Variants in GTF2I observed in about 807,000 individuals in gnomAD.
GTF2I encodes general transcription factor II-I.
Under a neutral mutation model 67.6 loss-of-function variants are expected in GTF2I, and 12 were observed. That is an observed-to-expected ratio of 0.18 (90% CI 0.11 to 0.29). The LOEUF is 0.29. GTF2I is among the 10% of genes least tolerant of loss of function. The pLI is 1.00. For synonymous variants in GTF2I, 149 were observed against 197.0 expected (o/e 0.76, Z 2.04); for missense variants, 271 against 580.1 (o/e 0.47, Z 5.47).
intron 9 of GTF2I, among the ~76,000 whole-genome samples, chr7:74,712,350 C>T (rs782402785): frequency 6.6e-6 from 1 of 152,156 alleles, no homozygotes; most frequent in Non-Finnish European, 1.5e-5. Flanking sequence ...CAACGTGTAA[C>T]TATTTCATTG....
intron 2 of GTF2I, among the ~76,000 whole-genome samples, chr7:74,690,092 G>A (rs1207190480): frequency 6.6e-6 from 1 of 152,100 alleles, no homozygotes; most frequent in Non-Finnish European, 1.5e-5. Flanking sequence ...GCGTGTGCCT[G>A]TAGTCCCAGT....
At position 74,705,932 on chromosome 7, in the gene GTF2I, T is replaced by G. The variant is rs116711456; in HGVS notation, c.642-458T>G. On this transcript the variant is annotated intron_variant, in intron 7 of 34. Coordinates refer to ENST00000573035, the MANE Select transcript of GTF2I (RefSeq NM_032999.4). ...TTTTCCCCAAAAGATAGATAGAAAT[T>G]GAAGTACTAAGTTCAGTTGATAACT... 3.4e-3 allele frequency among the ~76,000 whole-genome samples: 519 copies of G among 151,900 alleles called. 1 individual carries two copies. The highest frequency in any genetic ancestry group is 0.012 in the African/African-American group (488 of 41,418).
At chr7:74,730,596 C>A (rs1448719418) in intron 14 of GTF2I, among the ~76,000 whole-genome samples, 1 of 145,546 alleles carries the variant, frequency 6.9e-6, no homozygotes, top group African/African-American at 2.5e-5. Flanking sequence ...ATATTTATTA[C>A]AAAGCTCTGG....
At chr7:74,702,599 G>T (rs1789958515) in intron 6 of GTF2I, among the ~76,000 whole-genome samples, 1 of 152,144 alleles carries the variant, frequency 6.6e-6, no homozygotes, top group Non-Finnish European at 1.5e-5. Context: ...CAGGATAGGA[G>T]GGTTACCCCC....
At chr7:74,675,015 G>C (rs1327708136) in intron 1 of GTF2I, among the ~76,000 whole-genome samples, 3 of 151,184 alleles carry the variant, frequency 2.0e-5, no homozygotes, top group Admixed American at 6.6e-5. Context: ...ACCACACCCA[G>C]CCAATTTTTG....
At chr7:74,693,233 T>A (rs1788517308) in intron 3 of GTF2I, among the ~76,000 whole-genome samples, 1 of 151,818 alleles carries the variant, frequency 6.6e-6, no homozygotes, top group East Asian at 1.9e-4. Flanking sequence ...TATTTGAGAC[T>A]TTTTCATGAT....
At chr7:74,697,402 A>G (rs1485105909) in intron 3 of GTF2I, among the ~76,000 whole-genome samples, 1 of 152,130 alleles carries the variant, frequency 6.6e-6, no homozygotes, top group East Asian at 1.9e-4. Context: ...TCCAGAAAAA[A>G]AAAATTATTA....
chr7:74,686,896 T>G (rs988902136), intron 1 of GTF2I, among the ~76,000 whole-genome samples: 3 of 138,322 alleles, frequency 2.2e-5, no homozygotes, highest in African/African-American at 5.4e-5. Flanking sequence ...TTTGTTTTTG[T>G]TTTTTTTTTT....
At chr7:74,701,021 A>G (rs1159784962) in intron 6 of GTF2I, among the ~76,000 whole-genome samples, 3 of 152,218 alleles carry the variant, frequency 2.0e-5, no homozygotes, top group African/African-American at 7.2e-5. Flanking sequence ...GAAGAGAGAA[A>G]ATTCTGTAAA....
At chr7:74,714,640 G>A (rs1554403218) in intron 9 of GTF2I, among the ~76,000 whole-genome samples, 2 of 151,254 alleles carry the variant, frequency 1.3e-5, no homozygotes. Context: ...AATTTCTTTT[G>A]ACTGTTTACA....
At chr7:74,713,227 T>C (rs587706758) in intron 9 of GTF2I, among the ~76,000 whole-genome samples, 1 of 152,322 alleles carries the variant, frequency 6.6e-6, no homozygotes, top group East Asian at 1.9e-4. Context: ...AGTAGCAGGA[T>C]AGAATAAGAC....
chr7:74,671,584 TC>T (rs1805458744), intron 1 of GTF2I, among the ~76,000 whole-genome samples: 1 of 152,156 alleles, frequency 6.6e-6, no homozygotes, highest in Non-Finnish European at 1.5e-5. Context: ...TTTTATTTTT[TC>T]TTGAGGGATA....
intron 12 of GTF2I, among the ~76,000 whole-genome samples, chr7:74,722,283 TA>T (rs1793114942): frequency 6.6e-6 from 1 of 152,170 alleles, no homozygotes; most frequent in African/African-American, 2.4e-5. Flanking sequence ...GGTAAACATT[TA>T]AAACATACGT....
intron 2 of GTF2I, 28 bp from the exon 3 acceptor site, chr7:74,690,945 A>C (rs1554396868): frequency 1.3e-6 from 2 of 1,598,444 alleles, no homozygotes. Context: ...GTCCGCCTGT[A>C]ACATGATGTT....
In GTF2I at chr7:74,706,450, T is replaced by C. The variant is rs1484362154; in HGVS notation, c.685+17T>C. On this transcript the variant is annotated intron_variant, in intron 8 of 34. Coordinates refer to ENST00000573035, the MANE Select transcript of GTF2I (RefSeq NM_032999.4). ...AAGATTCTGGTATGTACTAGCACTT[T>C]TAGAATCAATGGTGAAATTAAGGAA... is the stretch of plus-strand genomic sequence containing the variant. 1 of 1,568,488 alleles carries C rather than the reference T, an allele frequency of 6.4e-7. No homozygotes were observed. Among genetic ancestry groups the C allele is most frequent in the African/African-American group, 1.4e-5 (1 of 74,054 alleles).
intron 1 of GTF2I, among the ~76,000 whole-genome samples, chr7:74,662,968 A>G (rs1176332786): frequency 6.6e-6 from 1 of 152,042 alleles, no homozygotes; most frequent in African/African-American, 2.4e-5. Context: ...CCCAACTTCC[A>G]TGGCCACTGT....
chr7:74,678,511 T>C (rs1291524684), intron 1 of GTF2I, among the ~76,000 whole-genome samples: 1 of 104,280 alleles, frequency 9.6e-6, no homozygotes, highest in African/African-American at 3.7e-5. Flanking sequence ...CAAGTAAAAA[T>C]AGTAGCCTGT....
chr7:74,687,015 G>A (rs973098798), intron 1 of GTF2I, among the ~76,000 whole-genome samples: 2 of 150,510 alleles, frequency 1.3e-5, no homozygotes, highest in Non-Finnish European at 3.0e-5. Context: ...TCAGCCTCCT[G>A]AGTGACTGGA....
chr7:74,675,501 G>T (rs1469287129), intron 1 of GTF2I, among the ~76,000 whole-genome samples: 2 of 151,982 alleles, frequency 1.3e-5, no homozygotes, highest in Non-Finnish European at 2.9e-5. Flanking sequence ...TTGGCAAAAT[G>T]AAAATATCTC....
Sources: gnomAD v4.1 joint callset for allele counts (sites outside exome capture counted in the v4.1 genomes callset) on GRCh38, gnomAD v4.1.1 for gene constraint, MANE v1.5 for transcripts, NCBI Gene and HGNC (gene_info 2026-07-23, HGNC 2026-07-21) for gene names.